PRR14L: variants seen among roughly 807,000 people sequenced by gnomAD.
PRR14L encodes the protein proline rich 14 like, also known as protein PRR14L.
A neutral mutation model predicts 155.0 loss-of-function variants in PRR14L; 80 were observed. That is an observed-to-expected ratio of 0.52 (90% CI 0.43 to 0.62). The LOEUF (loss-of-function observed/expected upper bound fraction) is 0.62. PRR14L is among the 20% of genes least tolerant of loss of function. The pLI is 0.00. For synonymous variants in PRR14L, 883 were observed against 916.0 expected (o/e 0.96, Z 0.65); for missense variants, 2,469 against 2,548.0 (o/e 0.97, Z 0.67).
rs1290752575 is a variant in PRR14L at position 31,682,488 on chromosome 22, A to G, written c.*3039T>C. 2 of 152,164 alleles carry G rather than the reference A, an allele frequency of 1.3e-5. No homozygotes were observed. The highest frequency in any genetic ancestry group is 2.9e-5 in the Non-Finnish European group (2 of 68,032). The allele number at this position is 152,164 out of a possible 1,614,324, so 9.4% of individuals were successfully genotyped here. A position where few individuals can be genotyped will look rare whatever the true frequency, so the allele number is the denominator to read the frequency against. On this transcript the variant is annotated 3_prime_UTR_variant, in exon 9 of 9. Coordinates refer to ENST00000327423, the MANE Select transcript of PRR14L (RefSeq NM_173566.3). Reference sequence around the variant, plus strand: ...GATCTGCTTTAACAGGAGATGAGGTACAGCTGAACTCATGGAGACATGAAG... The same window carrying G: ...GATCTGCTTTAACAGGAGATGAGGTGCAGCTGAACTCATGGAGACATGAAG...
rs1467880361 is a variant in PRR14L, at chr22:31,684,856, C to T, written c.*671G>A. 1 of 152,180 alleles carries T rather than the reference C, an allele frequency of 6.6e-6. No homozygotes were observed. Among genetic ancestry groups the T allele is most frequent in the Non-Finnish European group, 1.5e-5 (1 of 68,044 alleles). The allele number at this position is 152,180 out of a possible 1,614,324, so 9.4% of individuals were successfully genotyped here. A position where few individuals can be genotyped will look rare whatever the true frequency, so the allele number is the denominator to read the frequency against. On this transcript the variant is annotated 3_prime_UTR_variant, in exon 9 of 9. Coordinates refer to ENST00000327423, the MANE Select transcript of PRR14L (RefSeq NM_173566.3). ...ATAAAACAAATGAAAATAATCCACA[C>T]CACAACATTAAAAAGTGCAACTTAC...
intron 7 of PRR14L, among the ~76,000 whole-genome samples, chr22:31,697,808 G>A (rs567110760): frequency 2.6e-5 from 4 of 152,232 alleles, no homozygotes; most frequent in Non-Finnish European, 5.9e-5. Flanking sequence ...TGAAGTTGAA[G>A]CTGCAGTGAG....
At position 31,712,202 on chromosome 22, in the gene PRR14L, G is replaced by T; in HGVS notation, c.5637C>A (p.Tyr1879Ter). The T allele has an allele frequency of 6.2e-7, 1 of 1,614,208 alleles. No individual in the cohort carries two copies. ...AAATGGATAGGACTCTGCCCACCGA[G>T]TAGGGCAGAGAACAGAAGACCTTGT... ...IADKVFCSLP[Y>*]SVGRVLSIWS... Residue 1879 changes from tyrosine to a stop codon, truncating the protein, a stop_gained, in exon 4 of 9, where the codon TAC becomes TAA. Coordinates refer to ENST00000327423, the MANE Select transcript of PRR14L (RefSeq NM_173566.3). LOFTEE classifies it high-confidence loss of function.
chr22:31,717,254 T>C lies in PRR14L; in HGVS notation c.585A>G (p.Lys195=), dbSNP rs2074665648. The C allele has an allele frequency of 1.3e-6, 2 of 1,551,216 alleles. No homozygotes were observed. The highest frequency in any genetic ancestry group is 4.9e-5 in the East Asian group (2 of 40,922). The change falls in exon 4 of 9, where the codon AAA becomes AAG. Residue 195 remains lysine, a synonymous_variant. Transcript: ENST00000327423. ...CCTTCATACCTTGTACTTCGGCGGA[T>C]TTTAGCAGAGTTTCAGCTGTAATCT... The part of the protein sequence containing the change: ...NVQITAETLL[K]SAEVQGMKVN...
rs573058145 is a variant in PRR14L at position 31,736,829 on chromosome 22, G to A, written c.474+1558C>T. ...TGAGGCAGGTGGGTCACAAGGTCAG[G>A]AGTTTGAACCCAGCCTGGTCAACAC... On this transcript the variant is annotated intron_variant, in intron 2 of 8. Transcript: ENST00000327423. Among the ~76,000 whole-genome samples the A allele has an allele frequency of 1.8e-3, 276 of 151,926 alleles. 2 individuals are homozygous for A. Among genetic ancestry groups the A allele is most frequent in the African/African-American group, 6.5e-3 (269 of 41,432 alleles).
chr22:31,711,972 A>G, intron 4 of PRR14L, 111 bp downstream of exon 4: 1 of 1,009,734 alleles, frequency 9.9e-7, no homozygotes. Flanking sequence ...TAGAAAATGC[A>G]GACCCAAGAG....
In PRR14L at chr22:31,703,675, C is replaced by T; in HGVS notation, c.5875G>A (p.Ala1959Thr). ...PALVPKSCLV[A>T]ESAVSKLLLS... ...AGGAGCTTGCTGACAGCTGATTCTG[C>T]TACCAAGCAAGACTTTGGTACCAAG... The change falls in exon 6 of 9, where the codon GCA (alanine) becomes ACA (threonine). Residue 1959 changes from alanine to threonine, a missense_variant. Transcript: ENST00000327423. The T allele has an allele frequency of 6.2e-7, 1 of 1,610,420 alleles. No individual in the cohort carries two copies. Among genetic ancestry groups the T allele is most frequent in the Non-Finnish European group, 8.5e-7 (1 of 1,177,998 alleles).
chr22:31,715,006 A>T lies in PRR14L; in HGVS notation c.2833T>A (p.Ser945Thr). The T allele has an allele frequency of 6.4e-7, 1 of 1,552,058 alleles. No individual in the cohort carries two copies. Among genetic ancestry groups the T allele is most frequent in the Non-Finnish European group, 8.7e-7 (1 of 1,147,040 alleles). ...AAACTGGAGAACATAACAGTAGGAG[A>T]CTGGTCCAACACTTTTTCAGGACCT... is the stretch of plus-strand genomic sequence containing the variant. ...IPGPEKVLDQ[S>T]PTVMFSSFKN... The change falls in exon 4 of 9, where the codon TCT (serine) becomes ACT (threonine). Residue 945 changes from serine (S) to threonine (T), a missense_variant. Physicochemically the swap from Ser to Thr is moderately conservative, Grantham distance 58 (BLOSUM62 1). Transcript: ENST00000327423.
chr22:31,712,507 A>G lies in PRR14L; in HGVS notation c.5332T>C (p.Phe1778Leu). 6.4e-7 allele frequency: 1 copy of G among 1,551,908 alleles called. No homozygotes were observed. Among genetic ancestry groups the G allele is most frequent in the Non-Finnish European group, 8.7e-7 (1 of 1,147,042 alleles). Residue 1778 changes from phenylalanine to leucine, a missense_variant, in exon 4 of 9, where the codon TTC (phenylalanine) becomes CTC (leucine). Physicochemically the swap from Phe to Leu is conservative, Grantham distance 22 (BLOSUM62 0). This residue lies in a region of PRR14L where 2,363 missense variants were observed against 2,371.6 expected (regional missense o/e 1.00). Transcript: ENST00000327423. ...LSHGCPGMATFREDTGVHSQT... is the reference protein window; with the variant it reads ...LSHGCPGMATLREDTGVHSQT... ...CTATGGACGCCAGTGTCTTCCCTGA[A>G]TGTTGCCATCCCAGGGCAACCGTGG...
At position 31,746,148 on chromosome 22, in the gene PRR14L, T is replaced by C. The variant is rs1381367873; in HGVS notation, c.-52+3845A>G. Among the ~76,000 whole-genome samples, 8 of 152,266 alleles carry C rather than the reference T, an allele frequency of 5.3e-5. No individual in the cohort carries two copies. The East Asian group carries it at 1.3e-3, about 26-fold the overall frequency. On this transcript the variant is annotated intron_variant, in intron 1 of 8. Transcript: ENST00000327423. ...TCTCACTACATTGCACAGGCTGGTC[T>C]TGAGCTCCTGGCCTCAAGTGATCCT...
intron 3 of PRR14L, among the ~76,000 whole-genome samples, chr22:31,723,132 C>A (rs1197091356): frequency 6.6e-6 from 1 of 152,092 alleles, no homozygotes; most frequent in Admixed American, 6.6e-5. Context: ...TGAACTAGGC[C>A]ATTGCTGCTA....
rs1351387629 is a variant in PRR14L at position 31,713,638 on chromosome 22, T to C, written c.4201A>G (p.Lys1401Glu). Residue 1401 changes from lysine (K) to glutamate (E), a missense_variant, in exon 4 of 9, where the codon AAA becomes GAA. Coordinates refer to ENST00000327423, the MANE Select transcript of PRR14L (RefSeq NM_173566.3). ...SPEVLDYMLQ[K>E]EEKYIRQQKA... ...TGTTGACGTATATATTTCTCTTCTTTCTGCAACATGTAGTCCAAAACCTCA... is the reference window on the plus strand; with the variant it reads ...TGTTGACGTATATATTTCTCTTCTTCCTGCAACATGTAGTCCAAAACCTCA... The C allele has an allele frequency of 1.3e-6, 2 of 1,551,890 alleles. No homozygotes were observed. Among genetic ancestry groups the C allele is most frequent in the Non-Finnish European group, 1.7e-6 (2 of 1,147,074 alleles).
At chr22:31,727,382 C>T (rs547828069) in intron 2 of PRR14L, among the ~76,000 whole-genome samples, 52 of 151,878 alleles carry the variant, frequency 3.4e-4, no homozygotes, top group Non-Finnish European at 5.0e-4. Context: ...TACAGGTGCA[C>T]GCCGCCACAC....
intron 2 of PRR14L, among the ~76,000 whole-genome samples, chr22:31,731,235 A>G (rs1269567240): frequency 6.6e-6 from 1 of 152,070 alleles, no homozygotes; most frequent in Non-Finnish European, 1.5e-5. Context: ...TATCGTATAC[A>G]CTCAAGTATT....
At chr22:31,740,472 C>T (rs147595135) in intron 1 of PRR14L, among the ~76,000 whole-genome samples, 2 of 152,198 alleles carry the variant, frequency 1.3e-5, no homozygotes, top group East Asian at 3.9e-4. Context: ...TCCACCTCGG[C>T]CTTCCAAAGT....
At chr22:31,725,462 A>C in intron 3 of PRR14L, 76 bp downstream of exon 3, 2 of 966,346 alleles carry the variant, frequency 2.1e-6, no homozygotes. Context: ...TTATATTCTC[A>C]ATGCAAAATG....
Position 31,747,269 on chromosome 22 carries a change from C to A in PRR14L, c.-52+2724G>T, listed in dbSNP as rs534959442. Among the ~76,000 whole-genome samples the A allele has an allele frequency of 7.3e-5, 11 of 151,530 alleles. No homozygotes were observed. The South Asian group carries it at 8.3e-4, about 11-fold the overall frequency. ...GGGATTACAGGCATGTGCCACCATGCCCACCTAATTTGTTTTGTATTTTTA... is the reference window on the plus strand; with the variant it reads ...GGGATTACAGGCATGTGCCACCATGACCACCTAATTTGTTTTGTATTTTTA... On this transcript the variant is annotated intron_variant, in intron 1 of 8. Transcript: ENST00000327423.
chr22:31,731,133 G>A, intron 2 of PRR14L, among the ~76,000 whole-genome samples: 1 of 152,052 alleles, frequency 6.6e-6, no homozygotes, highest in East Asian at 1.9e-4. Flanking sequence ...ATTTCTCCAA[G>A]GAATCTTGGT....
At chr22:31,744,755 G>T (rs948604375) in intron 1 of PRR14L, among the ~76,000 whole-genome samples, 1 of 152,136 alleles carries the variant, frequency 6.6e-6, no homozygotes, top group African/African-American at 2.4e-5. Context: ...CATCCCCACA[G>T]TTCTAGCTCA....
Sources: gnomAD v4.1 joint callset for allele counts (sites outside exome capture counted in the v4.1 genomes callset) on GRCh38, gnomAD v4.1.1 for gene constraint, gnomAD v4.1.1 regional missense constraint, MANE v1.5 for transcripts, NCBI Gene and HGNC (gene_info 2026-07-23, HGNC 2026-07-21) for gene names.